The following EPHA4 variants were observed in gnomAD, a reference collection of about 807,000 sequenced individuals.
EPHA4 encodes EPH receptor A4, also known as ephrin type-A receptor 4.
A neutral mutation model predicts 108.3 loss-of-function variants in EPHA4; 19 were observed. That is an observed-to-expected ratio of 0.18 (90% CI 0.12 to 0.26). The LOEUF is 0.26. EPHA4 is among the 10% of genes least tolerant of loss of function. The probability of loss-of-function intolerance (pLI) is 1.00; values close to 1 mark genes in which losing one functional copy is unlikely to be tolerated. For synonymous variants in EPHA4, 449 were observed against 455.5 expected (o/e 0.99, Z 0.18); for missense variants, 917 against 1,254.0 (o/e 0.73, Z 4.06).
intron 11 of EPHA4, 51 bp downstream of exon 11, chr2:221,442,778 A>T (rs1163869922): frequency 1.3e-6 from 2 of 1,583,910 alleles, no homozygotes; most frequent in Non-Finnish European, 1.7e-6. Context: ...ATGTGTGTTT[A>T]ATTTCCCAGT....
chr2:221,444,744 C>CTTTTTTT (rs71266317), intron 9 of EPHA4, among the ~76,000 whole-genome samples: 3 of 74,986 alleles, frequency 4.0e-5, no homozygotes, highest in Non-Finnish European at 4.8e-5. Context: ...TTTTTTCTAT[C>CTTTTTTT]TTTTTTTTTT....
At chr2:221,500,397 C>T (rs910683553) in intron 4 of EPHA4, among the ~76,000 whole-genome samples, 2 of 152,202 alleles carry the variant, frequency 1.3e-5, no homozygotes, top group Non-Finnish European at 2.9e-5. Flanking sequence ...GGAATGGTAA[C>T]ACCTAGGAAC....
chr2:221,488,293 C>T (rs1437546437), intron 4 of EPHA4, among the ~76,000 whole-genome samples: 2 of 152,102 alleles, frequency 1.3e-5, no homozygotes, highest in Admixed American at 1.3e-4. Flanking sequence ...GCATGTAATT[C>T]CAGGAACTAA....
chr2:221,438,190 T>A (rs1267811821), intron 11 of EPHA4, among the ~76,000 whole-genome samples: 1 of 152,156 alleles, frequency 6.6e-6, no homozygotes, highest in Non-Finnish European at 1.5e-5. Flanking sequence ...TATTTTTTTT[T>A]TCTGCAAAGA....
intron 4 of EPHA4, among the ~76,000 whole-genome samples, chr2:221,499,744 ATATATATATATATT>A (rs1415698401): frequency 2.8e-4 from 16 of 56,364 alleles, no homozygotes; most frequent in Middle Eastern, 6.3e-3. Context: ...ATATATATAT[ATATATATATATATT>A]TTTTTTTTTT....
At chr2:221,543,983 C>T (rs1373874326) in intron 3 of EPHA4, among the ~76,000 whole-genome samples, 2 of 152,028 alleles carry the variant, frequency 1.3e-5, no homozygotes, top group Admixed American at 6.5e-5. Flanking sequence ...GATGAGGGCT[C>T]GATTTCTGGC....
chr2:221,463,365 T>C (rs893592861), intron 5 of EPHA4, among the ~76,000 whole-genome samples: 1 of 152,238 alleles, frequency 6.6e-6, no homozygotes, highest in African/African-American at 2.4e-5. Context: ...TTCCCAGTTC[T>C]ACAAATCCCT....
intron 3 of EPHA4, among the ~76,000 whole-genome samples, chr2:221,532,438 T>C (rs182528565): frequency 6.6e-6 from 1 of 152,330 alleles, no homozygotes; most frequent in African/African-American, 2.4e-5. Context: ...GTTCAATTTA[T>C]TCTATCAAAA....
intron 3 of EPHA4, among the ~76,000 whole-genome samples, chr2:221,535,503 G>A (rs2250204): frequency 0.72 from 109,385 of 152,012 alleles, 40,007 homozygotes; most frequent in African/African-American, 0.85. Context: ...AAACATTATC[G>A]TCTTTTGTCC....
rs1485965744 is a variant in EPHA4, at chr2:221,426,280, A to C, written c.2847-138T>G. ...CAAGGCAGGTGTATTAAAATGTTTC[A>C]TTAAGCAATTTAATGCAAGAATGTA... is the stretch of plus-strand genomic sequence containing the variant. On this transcript the variant is annotated intron_variant, in intron 16 of 17. Transcript: ENST00000281821. 6 of 1,034,616 alleles carry C rather than the reference A, an allele frequency of 5.8e-6. No homozygotes were observed. In the Admixed American group the frequency reaches 7.4e-5, roughly 13 times the overall value. 64.1% of individuals were successfully genotyped at this position (1,034,616 alleles called of 1,614,324 possible).
chr2:221,435,209 G>GT, intron 13 of EPHA4, among the ~76,000 whole-genome samples: 1 of 152,266 alleles, frequency 6.6e-6, no homozygotes, highest in East Asian at 1.9e-4. Context: ...AAAACCCAGT[G>GT]TATTGCATTC....
intron 3 of EPHA4, among the ~76,000 whole-genome samples, chr2:221,516,325 G>A (rs1401443055): frequency 2.0e-5 from 3 of 151,424 alleles, no homozygotes; most frequent in Non-Finnish European, 2.9e-5. Flanking sequence ...AAGTCTATAC[G>A]GTTCCCATGA....
intron 3 of EPHA4, among the ~76,000 whole-genome samples, chr2:221,510,515 G>C (rs544909748): frequency 1.3e-5 from 2 of 151,848 alleles, no homozygotes; most frequent in South Asian, 2.1e-4. Context: ...AACAGACAAC[G>C]AAAAAAAGTG....
chr2:221,561,498 T>C (rs1694464029), intron 3 of EPHA4, among the ~76,000 whole-genome samples: 1 of 152,038 alleles, frequency 6.6e-6, no homozygotes, highest in Non-Finnish European at 1.5e-5. Flanking sequence ...CTGAAGTTTC[T>C]CAAAAACGAC....
intron 8 of EPHA4, among the ~76,000 whole-genome samples, chr2:221,452,201 G>A (rs959278780): frequency 7.2e-5 from 11 of 152,162 alleles, no homozygotes; most frequent in African/African-American, 2.7e-4. Context: ...CCCCCATAAG[G>A]GATCTATCTG....
chr2:221,486,284 G>T (rs1252073336), intron 4 of EPHA4, among the ~76,000 whole-genome samples: 1 of 152,222 alleles, frequency 6.6e-6, no homozygotes. Flanking sequence ...CTCAATACAG[G>T]ACTGGCATAA....
intron 3 of EPHA4, among the ~76,000 whole-genome samples, chr2:221,554,569 C>T (rs1423781549): frequency 6.6e-6 from 1 of 152,028 alleles, no homozygotes; most frequent in Non-Finnish European, 1.5e-5. Flanking sequence ...TTTGGAGACA[C>T]TGGGGGGAGT....
intron 4 of EPHA4, among the ~76,000 whole-genome samples, chr2:221,496,512 A>G (rs1294501213): frequency 6.6e-6 from 1 of 152,206 alleles, no homozygotes; most frequent in East Asian, 1.9e-4. Context: ...GACTATATCT[A>G]TTATCAGCAA....
intron 3 of EPHA4, among the ~76,000 whole-genome samples, chr2:221,559,881 T>G (rs1694409248): frequency 6.6e-6 from 1 of 152,228 alleles, no homozygotes; most frequent in African/African-American, 2.4e-5. Context: ...GTTGTTCTAC[T>G]GAGACCAAGC....
Sources: gnomAD v4.1 joint callset for allele counts (sites outside exome capture counted in the v4.1 genomes callset) on GRCh38, gnomAD v4.1.1 for gene constraint, MANE v1.5 for transcripts, NCBI Gene and HGNC (gene_info 2026-07-23, HGNC 2026-07-21) for gene names.